SEPTIN7: variants seen among roughly 807,000 people sequenced by gnomAD.
SEPTIN7 encodes the protein septin-7.
In SEPTIN7, 10 loss-of-function variants were observed where a neutral mutation model predicts 63.3. The ratio of observed to expected loss-of-function variants is 0.16; its 90% CI spans 0.10 to 0.27. The LOEUF (loss-of-function observed/expected upper bound fraction) is 0.27. SEPTIN7 is among the 10% of genes least tolerant of loss of function. The pLI is 1.00. For synonymous variants in SEPTIN7, 131 were observed against 165.3 expected (o/e 0.79, Z 1.59); for missense variants, 310 against 521.0 (o/e 0.59, Z 3.94).
In SEPTIN7 at chr7:35,881,157, A is replaced by G. The variant is rs75352588; in HGVS notation, c.630+1217A>G. The stretch of plus-strand genomic sequence containing the variant: ...TTTGAAGTTGTGCTAAATTCATACT[A>G]ATTTTCAGAAAGTTTTAGTACATTG... On this transcript the variant is annotated intron_variant, in intron 7 of 13. Transcript: ENST00000350320. Among the ~76,000 whole-genome samples, 1,333 of 151,818 alleles carry G rather than the reference A, an allele frequency of 8.8e-3. 14 individuals carry two copies. Among genetic ancestry groups the G allele is most frequent in the South Asian group, 0.011 (51 of 4,796 alleles).
At chr7:35,865,949 C>G (rs1416917703) in intron 4 of SEPTIN7, among the ~76,000 whole-genome samples, 1 of 152,188 alleles carries the variant, frequency 6.6e-6, no homozygotes, top group Non-Finnish European at 1.5e-5. Context: ...ATATCCTCTT[C>G]TGTTGTGAAT....
intron 10 of SEPTIN7, among the ~76,000 whole-genome samples, chr7:35,889,869 C>T (rs1368667112): frequency 6.6e-6 from 1 of 151,938 alleles, no homozygotes; most frequent in Middle Eastern, 3.2e-3. Flanking sequence ...TGTTTGTCTC[C>T]CAGAAGGGAG....
chr7:35,877,590 A>G (rs1022683817), intron 6 of SEPTIN7, among the ~76,000 whole-genome samples: 1 of 152,216 alleles, frequency 6.6e-6, no homozygotes, highest in Non-Finnish European at 1.5e-5. Flanking sequence ...CCACTTTAGA[A>G]TGGTAGTCCT....
intron 3 of SEPTIN7, among the ~76,000 whole-genome samples, chr7:35,837,331 C>G (rs993035698): frequency 1.3e-5 from 2 of 151,972 alleles, no homozygotes; most frequent in African/African-American, 4.8e-5. Flanking sequence ...CTTGTGATAT[C>G]GTACGTTCTT....
intron 1 of SEPTIN7, among the ~76,000 whole-genome samples, chr7:35,808,590 C>T (rs985283565): frequency 4.6e-5 from 7 of 152,142 alleles, no homozygotes; most frequent in Non-Finnish European, 7.3e-5. Flanking sequence ...GCAGGTTTGG[C>T]GTCTCTGCTT....
At chr7:35,813,311 C>T (rs574457674) in intron 1 of SEPTIN7, among the ~76,000 whole-genome samples, 4 of 152,038 alleles carry the variant, frequency 2.6e-5, no homozygotes, top group African/African-American at 9.6e-5. Flanking sequence ...ATTTTAGCAC[C>T]TCCTTGGTTT....
intron 1 of SEPTIN7, among the ~76,000 whole-genome samples, chr7:35,807,092 G>C (rs1476708981): frequency 6.6e-6 from 1 of 152,112 alleles, no homozygotes; most frequent in Admixed American, 6.5e-5. Context: ...ACTCCAGGAA[G>C]TATCAGACAC....
intron 1 of SEPTIN7, among the ~76,000 whole-genome samples, chr7:35,822,600 G>C (rs10224316): frequency 1.1e-3 from 168 of 152,278 alleles, no homozygotes; most frequent in African/African-American, 3.9e-3. Context: ...TAAAGCTTCA[G>C]TTGCTTGCCC....
intron 12 of SEPTIN7, chr7:35,901,255 A>C (rs1788302943): frequency 6.6e-6 from 1 of 152,216 alleles, no homozygotes; most frequent in Non-Finnish European, 1.5e-5. Flanking sequence ...AAATTAACTT[A>C]GTATGCCAGC....
chr7:35,861,086 A>C (rs564341430), intron 3 of SEPTIN7, among the ~76,000 whole-genome samples: 1 of 151,942 alleles, frequency 6.6e-6, no homozygotes, highest in African/African-American at 2.4e-5. Context: ...TTGCCTACTC[A>C]GTTCTGCTAT....
intron 4 of SEPTIN7, 120 bp from the exon 5 acceptor site, chr7:35,872,546 T>G (rs1786213547): frequency 7.1e-6 from 5 of 703,632 alleles, no homozygotes; most frequent in Non-Finnish European, 1.3e-5. Context: ...GTAGGTAGAT[T>G]TAGTTTGCTA....
At chr7:35,863,304 C>T (rs749835404) in intron 3 of SEPTIN7, among the ~76,000 whole-genome samples, 80 of 151,968 alleles carry the variant, frequency 5.3e-4, no homozygotes, top group Non-Finnish European at 7.8e-4. Context: ...TTATTAGATA[C>T]ATTACTTTTA....
intron 1 of SEPTIN7, among the ~76,000 whole-genome samples, chr7:35,829,079 C>T (rs943367594): frequency 4.6e-5 from 7 of 150,798 alleles, no homozygotes; most frequent in African/African-American, 1.7e-4. Flanking sequence ...CATTTCCTAT[C>T]ACTCATCCCC....
At chr7:35,805,031 G>A (rs150429895) in intron 1 of SEPTIN7, among the ~76,000 whole-genome samples, 14 of 151,986 alleles carry the variant, frequency 9.2e-5, no homozygotes, top group African/African-American at 2.7e-4. Flanking sequence ...ACAGGCACTC[G>A]CCACCACGCC....
intron 4 of SEPTIN7, among the ~76,000 whole-genome samples, chr7:35,867,811 A>G (rs576282583): frequency 7.3e-5 from 11 of 151,606 alleles, no homozygotes; most frequent in African/African-American, 2.7e-4. Flanking sequence ...TAGATTTTTT[A>G]AAGTTCTTAG....
chr7:35,875,997 A>G (rs1786454365), intron 6 of SEPTIN7, among the ~76,000 whole-genome samples: 1 of 152,226 alleles, frequency 6.6e-6, no homozygotes, highest in African/African-American at 2.4e-5. Flanking sequence ...AAATTCAACC[A>G]GAATGTAATA....
intron 10 of SEPTIN7, 28 bp downstream of exon 10, chr7:35,885,907 A>G (rs751474574): frequency 3.4e-5 from 51 of 1,508,386 alleles, no homozygotes; most frequent in Non-Finnish European, 4.3e-5. Context: ...TGGAAATAGC[A>G]TAAGATTTTC....
chr7:35,873,521 C>A, intron 5 of SEPTIN7, 120 bp from the exon 6 acceptor site: 1 of 835,898 alleles, frequency 1.2e-6, no homozygotes. Flanking sequence ...AATAACTTGA[C>A]ATATCTTCTA....
chr7:35,815,715 G>T (rs1789015452), intron 1 of SEPTIN7, among the ~76,000 whole-genome samples: 1 of 152,038 alleles, frequency 6.6e-6, no homozygotes, highest in African/African-American at 2.4e-5. Context: ...TCCAAAGTTA[G>T]TTATATTCTT....
Sources: allele counts gnomAD v4.1 joint callset (sites outside exome capture counted in the v4.1 genomes callset), GRCh38; gene constraint gnomAD v4.1.1; transcripts MANE v1.5; gene names NCBI Gene and HGNC (gene_info 2026-07-23, HGNC 2026-07-21).